Variants in NTM observed in about 807,000 individuals in gnomAD.
The protein encoded by NTM is IgLON family member 2.
NTM carries 13 observed loss-of-function variants against 42.1 expected under a neutral mutation model. The ratio of observed to expected loss-of-function variants is 0.31; its 90% confidence interval spans 0.20 to 0.49. The LOEUF is 0.49. NTM is among the 20% of genes least tolerant of loss of function. The probability of loss-of-function intolerance (pLI) is 0.99; values close to 1 mark genes in which losing one functional copy is unlikely to be tolerated. For synonymous variants in NTM, 187 were observed against 179.2 expected (o/e 1.04, Z -0.35); for missense variants, 373 against 452.8 (o/e 0.82, Z 1.60).
chr11:131,722,626 G>A (rs1019801459), intron 1 of NTM, among the ~76,000 whole-genome samples: 1 of 152,168 alleles, frequency 6.6e-6, no homozygotes, highest in Non-Finnish European at 1.5e-5. Context: ...TTGATGGAGA[G>A]GACCACAGTG....
intron 2 of NTM, among the ~76,000 whole-genome samples, chr11:132,005,663 A>G (rs75177138): frequency 0.05 from 7,651 of 152,264 alleles, 261 homozygotes; most frequent in Non-Finnish European, 0.074. Context: ...ATATCCTACC[A>G]TCCAACATGC....
intron 4 of NTM, among the ~76,000 whole-genome samples, chr11:132,228,417 G>A (rs372589984): frequency 1.1e-4 from 16 of 152,248 alleles, no homozygotes; most frequent in African/African-American, 3.6e-4. Context: ...TCTAATCTTG[G>A]CTTCCAGGTG....
rs781341641 is a variant in NTM, at chr11:132,335,080, G to A, written c.1002G>A (p.Thr334=). ...CCGTCAGCGAGGTGAGCAACGGCAC[G>A]TCGAGGAGGGCAGGCTGCGTCTGGC... ...PGAVSEVSNG[T]SRRAGCVWLL... The change falls in exon 9 of 9, where the codon ACG becomes ACA. Residue 334 remains threonine, a synonymous_variant. Coordinates refer to ENST00000683400, the MANE Select transcript of NTM (RefSeq NM_001352005.2). 31 of 1,612,452 alleles carry A rather than the reference G, an allele frequency of 1.9e-5. No homozygotes were observed. The highest frequency in any genetic ancestry group is 2.4e-5 in the Non-Finnish European group (28 of 1,179,986).
intron 1 of NTM, among the ~76,000 whole-genome samples, chr11:131,891,654 G>A (rs1213496622): frequency 2.6e-5 from 4 of 152,164 alleles, no homozygotes; most frequent in African/African-American, 9.7e-5. Context: ...GCTCTCTGCG[G>A]TGGGAGTTGT....
chr11:131,614,704 C>T (rs2061757347), intron 1 of NTM, among the ~76,000 whole-genome samples: 1 of 152,238 alleles, frequency 6.6e-6, no homozygotes, highest in Non-Finnish European at 1.5e-5. Flanking sequence ...AGTTGTACAA[C>T]TGCCATTGTC....
At chr11:131,859,022 C>T (rs963583658) in intron 1 of NTM, among the ~76,000 whole-genome samples, 6 of 152,152 alleles carry the variant, frequency 3.9e-5, no homozygotes, top group Non-Finnish European at 8.8e-5. Flanking sequence ...TTTTGCCGCA[C>T]TTCAGCTCCT....
chr11:132,287,468 C>T (rs544901313), intron 4 of NTM, among the ~76,000 whole-genome samples: 1 of 152,192 alleles, frequency 6.6e-6, no homozygotes, highest in East Asian at 1.9e-4. Context: ...GCAGAGGACC[C>T]TAGAGCTGCA....
intron 2 of NTM, among the ~76,000 whole-genome samples, chr11:132,072,273 C>G (rs150134757): frequency 6.6e-6 from 1 of 152,092 alleles, no homozygotes; most frequent in African/African-American, 2.4e-5. Flanking sequence ...TCTTGTAAAC[C>G]CCAGGATATG....
intron 2 of NTM, among the ~76,000 whole-genome samples, chr11:131,997,447 G>A (rs1404096447): frequency 6.6e-6 from 1 of 152,138 alleles, no homozygotes. Context: ...GGATCACATT[G>A]TCTCAGTAAT....
At chr11:131,418,266 TAGA>T (rs1947150924) in intron 1 of NTM, among the ~76,000 whole-genome samples, 2 of 152,202 alleles carry the variant, frequency 1.3e-5, no homozygotes. Flanking sequence ...GCTGTGATGT[TAGA>T]GGACTCATAG....
At chr11:131,498,156 G>A (rs1471256006) in intron 1 of NTM, among the ~76,000 whole-genome samples, 1 of 152,144 alleles carries the variant, frequency 6.6e-6, no homozygotes, top group East Asian at 1.9e-4. Context: ...TTTTCACTTG[G>A]CGGCACCAAG....
chr11:131,913,560 AT>A (rs2055693886), intron 2 of NTM, among the ~76,000 whole-genome samples: 1 of 152,172 alleles, frequency 6.6e-6, no homozygotes, highest in African/African-American at 2.4e-5. Context: ...TCGCGTTATC[AT>A]GTACTGGCTG....
chr11:131,802,963 G>A (rs1565571225), intron 1 of NTM, among the ~76,000 whole-genome samples: 1 of 152,230 alleles, frequency 6.6e-6, no homozygotes, highest in East Asian at 1.9e-4. Context: ...TGAGCAGACA[G>A]ATGCAGCCCA....
chr11:131,422,074 G>A (rs898972202), intron 1 of NTM, among the ~76,000 whole-genome samples: 6 of 152,190 alleles, frequency 3.9e-5, no homozygotes, highest in African/African-American at 7.2e-5. Context: ...TGTCCACAAC[G>A]TAGTTAACTT....
intron 3 of NTM, among the ~76,000 whole-genome samples, chr11:132,189,229 T>C (rs1002242178): frequency 6.6e-6 from 1 of 152,170 alleles, no homozygotes. Context: ...AGCCTCTAGA[T>C]AGATCATGAA....
intron 2 of NTM, among the ~76,000 whole-genome samples, chr11:132,011,675 G>C (rs2072232812): frequency 6.6e-6 from 1 of 152,168 alleles, no homozygotes; most frequent in Non-Finnish European, 1.5e-5. Flanking sequence ...AACTAAGGGT[G>C]TAAGTAAGTT....
At chr11:131,463,407 G>A (rs1400277283) in intron 1 of NTM, among the ~76,000 whole-genome samples, 1 of 152,208 alleles carries the variant, frequency 6.6e-6, no homozygotes, top group Non-Finnish European at 1.5e-5. Context: ...GCACAGCTGA[G>A]CCAAACGCTT....
In NTM at chr11:131,959,357, G is replaced by T. The variant is rs551209112; in HGVS notation, c.167+47709G>T. Among the ~76,000 whole-genome samples, 8 of 152,290 alleles carry T rather than the reference G, an allele frequency of 5.3e-5. No individual in the cohort carries two copies. In the East Asian group the frequency reaches 1.2e-3, roughly 22 times the overall value. The stretch of plus-strand genomic sequence containing the variant: ...GAAAAGATAGTCATGGCCAGGCATA[G>T]TTGCTCACACCTGTAATTCCAGCAT... On this transcript the variant is annotated intron_variant, in intron 2 of 8. Coordinates refer to ENST00000683400, the MANE Select transcript of NTM (RefSeq NM_001352005.2).
chr11:131,711,741 A>T (rs34300825), intron 1 of NTM, among the ~76,000 whole-genome samples: 1 of 152,060 alleles, frequency 6.6e-6, no homozygotes, highest in Non-Finnish European at 1.5e-5. Flanking sequence ...CAAATGTCCA[A>T]CAATGATAGA....
Sources: allele counts gnomAD v4.1 joint callset (sites outside exome capture counted in the v4.1 genomes callset), GRCh38; gene constraint gnomAD v4.1.1; transcripts MANE v1.5; gene names NCBI Gene and HGNC (gene_info 2026-07-23, HGNC 2026-07-21).